The following APBB1IP variants were observed in gnomAD, a reference collection of about 807,000 sequenced individuals.
APBB1IP encodes amyloid beta A4 precursor protein-binding family B member 1-interacting protein.
APBB1IP carries 27 observed loss-of-function variants against 64.9 expected under a neutral mutation model. The observed-to-expected ratio is 0.42, with a 90% CI of 0.31 to 0.57. The LOEUF (loss-of-function observed/expected upper bound fraction) is 0.57, where lower values mean the gene tolerates loss of function less well. Ranked by LOEUF, APBB1IP falls within the 20% of genes least tolerant of loss-of-function variation. The pLI, the probability that APBB1IP is intolerant of heterozygous loss-of-function variation, is 0.20. For synonymous variants in APBB1IP, 392 were observed against 331.0 expected (o/e 1.18, Z -2.00); for missense variants, 812 against 845.5 (o/e 0.96, Z 0.49).
intron 2 of APBB1IP, among the ~76,000 whole-genome samples, chr10:26,490,938 A>T (rs1211854001): frequency 1.3e-5 from 2 of 152,332 alleles, no homozygotes; most frequent in South Asian, 4.1e-4. Flanking sequence ...ACTTCTCAGT[A>T]TGAGCTATAA....
chr10:26,544,504 C>T (rs563265388), intron 11 of APBB1IP, among the ~76,000 whole-genome samples: 6 of 152,282 alleles, frequency 3.9e-5, no homozygotes, highest in African/African-American at 1.2e-4. Flanking sequence ...TGTTAGAACT[C>T]ACTCTAACCA....
intron 2 of APBB1IP, among the ~76,000 whole-genome samples, chr10:26,466,764 C>T (rs556574069): frequency 3.9e-5 from 6 of 151,970 alleles, no homozygotes; most frequent in Non-Finnish European, 5.9e-5. Flanking sequence ...AGTGAGACCT[C>T]GTCCCTACAA....
intron 9 of APBB1IP, among the ~76,000 whole-genome samples, chr10:26,535,190 A>G (rs556285618): frequency 1.3e-5 from 2 of 152,310 alleles, no homozygotes; most frequent in South Asian, 4.1e-4. Flanking sequence ...TTAAAAATCT[A>G]CAACTAGAAG....
At chr10:26,494,769 G>A (rs1835999302) in intron 3 of APBB1IP, among the ~76,000 whole-genome samples, 1 of 152,090 alleles carries the variant, frequency 6.6e-6, no homozygotes, top group African/African-American at 2.4e-5. Flanking sequence ...AGATTATGGT[G>A]AGCTGAGATT....
intron 2 of APBB1IP, among the ~76,000 whole-genome samples, chr10:26,469,305 G>T (rs1589195492): frequency 7.6e-6 from 1 of 131,156 alleles, no homozygotes. Flanking sequence ...TGTTGCTCAG[G>T]CTGGAGTGCA....
At chr10:26,483,782 G>A (rs1369326730) in intron 2 of APBB1IP, among the ~76,000 whole-genome samples, 4 of 152,000 alleles carry the variant, frequency 2.6e-5, no homozygotes, top group Non-Finnish European at 4.4e-5. Context: ...GTGCAATCAT[G>A]AGTCACTTCA....
chr10:26,504,196 G>A (rs1836140807), intron 6 of APBB1IP, among the ~76,000 whole-genome samples: 1 of 152,208 alleles, frequency 6.6e-6, no homozygotes, highest in Non-Finnish European at 1.5e-5. Context: ...AGATGTCCAA[G>A]TTATATCCCA....
At chr10:26,561,769 A>G (rs1775233) in intron 13 of APBB1IP, among the ~76,000 whole-genome samples, 103,115 of 151,990 alleles carry the variant, frequency 0.68, 35,280 homozygotes, top group East Asian at 0.88. Flanking sequence ...GGGAAAAACC[A>G]CATCTAATTC....
At chr10:26,453,361 C>T (rs1483157925) in intron 2 of APBB1IP, among the ~76,000 whole-genome samples, 1 of 152,118 alleles carries the variant, frequency 6.6e-6, no homozygotes, top group African/African-American at 2.4e-5. Flanking sequence ...GTGTGCTGGG[C>T]ATGGACTGTG....
intron 8 of APBB1IP, among the ~76,000 whole-genome samples, chr10:26,520,333 T>A (rs1836387625): frequency 6.8e-6 from 1 of 146,814 alleles, no homozygotes; most frequent in East Asian, 2.1e-4. Flanking sequence ...GGTATTCTGC[T>A]ATAGCAACAG....
At chr10:26,521,625 C>A (rs1442055531) in intron 8 of APBB1IP, among the ~76,000 whole-genome samples, 1 of 152,172 alleles carries the variant, frequency 6.6e-6, no homozygotes, top group Non-Finnish European at 1.5e-5. Context: ...ACGATGGCTC[C>A]TCTATAAATG....
chr10:26,443,684 G>C (rs564310942), intron 2 of APBB1IP, among the ~76,000 whole-genome samples: 1 of 147,362 alleles, frequency 6.8e-6, no homozygotes, highest in African/African-American at 2.5e-5. Flanking sequence ...ACAGGTGTGC[G>C]TCACCATGCC....
rs1836697222 is a variant in APBB1IP at position 26,541,562 on chromosome 10, T to G, written c.1045-20T>G. ...AACTGTCATCTCAGTTGAAGTTTTA[T>G]TTTTTTCCCTGTCTTTCAGACATCT... On this transcript the variant is annotated intron_variant, in intron 10 of 14. Transcript: ENST00000376236. 6.4e-7 allele frequency: 1 copy of G among 1,560,406 alleles called. No homozygotes were observed. The highest frequency in any genetic ancestry group is 8.8e-7 in the Non-Finnish European group (1 of 1,135,418).
At chr10:26,490,310 T>C (rs1261175118) in intron 2 of APBB1IP, among the ~76,000 whole-genome samples, 1 of 152,116 alleles carries the variant, frequency 6.6e-6, no homozygotes, top group Admixed American at 6.6e-5. Context: ...GAGATAATAG[T>C]ATTATGTTTA....
chr10:26,538,400 T>C (rs1588610724), intron 10 of APBB1IP, among the ~76,000 whole-genome samples: 1 of 152,138 alleles, frequency 6.6e-6, no homozygotes, highest in East Asian at 1.9e-4. Flanking sequence ...CCCAGCACTT[T>C]GGGAGGCCGA....
intron 2 of APBB1IP, among the ~76,000 whole-genome samples, chr10:26,459,033 C>T (rs1031119401): frequency 1.2e-3 from 182 of 151,368 alleles, no homozygotes; most frequent in African/African-American, 4.2e-3. Flanking sequence ...TGGTGTGCTG[C>T]ACCCATTAAC....
intron 2 of APBB1IP, among the ~76,000 whole-genome samples, chr10:26,483,092 T>TAAAAAAAAAAA (rs35069320): frequency 1.5e-5 from 1 of 67,140 alleles, no homozygotes; most frequent in Non-Finnish European, 2.7e-5. Context: ...CTCCATCTGA[T>TAAAAAAAAAAA]AAAAAAAAAA....
chr10:26,565,954 T>C (rs765642857), intron 14 of APBB1IP, among the ~76,000 whole-genome samples: 1 of 152,240 alleles, frequency 6.6e-6, no homozygotes, highest in Non-Finnish European at 1.5e-5. Flanking sequence ...CATAGTTGTT[T>C]ACTTCTTTAA....
intron 2 of APBB1IP, among the ~76,000 whole-genome samples, chr10:26,478,276 C>G (rs772698500): frequency 6.6e-6 from 1 of 152,110 alleles, no homozygotes; most frequent in African/African-American, 2.4e-5. Context: ...TCACAGGGTT[C>G]GAGTTACAGC....
Sources: gnomAD v4.1 joint callset for allele counts (sites outside exome capture counted in the v4.1 genomes callset) on GRCh38, gnomAD v4.1.1 for gene constraint, MANE v1.5 for transcripts, NCBI Gene and HGNC (gene_info 2026-07-23, HGNC 2026-07-21) for gene names.